PKP4: variants seen among roughly 807,000 people sequenced by gnomAD.
PKP4 encodes the protein plakophilin-4.
In PKP4, 90 loss-of-function variants were observed where a neutral mutation model predicts 145.1. That is an observed-to-expected ratio of 0.62 (90% confidence interval 0.52 to 0.74). The LOEUF (loss-of-function observed/expected upper bound fraction) is 0.74. PKP4 is among the 30% of genes least tolerant of loss of function. PKP4 has a pLI of 0.00. For missense variants in PKP4, 1,340 were observed against 1,482.7 expected (o/e 0.90, Z 1.58); for synonymous variants, 563 against 577.2 (o/e 0.98, Z 0.35).
At chr2:158,639,609 A>G (rs2054108426) in intron 9 of PKP4, among the ~76,000 whole-genome samples, 1 of 152,216 alleles carries the variant, frequency 6.6e-6, no homozygotes, top group Non-Finnish European at 1.5e-5. Flanking sequence ...TTTTCTAACA[A>G]TCTGCTTTTC....
At chr2:158,561,598 T>A (rs2046519523) in intron 2 of PKP4, among the ~76,000 whole-genome samples, 1 of 152,302 alleles carries the variant, frequency 6.6e-6, no homozygotes, top group South Asian at 2.1e-4. Flanking sequence ...ATTCCCTGAC[T>A]TCCTTGAAGA....
At chr2:158,491,695 G>T (rs149037830) in intron 1 of PKP4, among the ~76,000 whole-genome samples, 2 of 152,054 alleles carry the variant, frequency 1.3e-5, no homozygotes, top group East Asian at 1.9e-4. Context: ...ATCATCGTTT[G>T]TTCTCCCTTC....
intron 2 of PKP4, among the ~76,000 whole-genome samples, chr2:158,574,697 T>G (rs1037167198): frequency 6.6e-6 from 1 of 152,216 alleles, no homozygotes; most frequent in Non-Finnish European, 1.5e-5. Context: ...CTTTATAGCT[T>G]CTTGATATTC....
At chr2:158,583,198 T>A (rs758182779) in intron 3 of PKP4, among the ~76,000 whole-genome samples, 4 of 152,174 alleles carry the variant, frequency 2.6e-5, no homozygotes, top group Non-Finnish European at 5.9e-5. Context: ...TTCCCTGCAA[T>A]ATCATTGATG....
chr2:158,488,226 T>G (rs1388461893), intron 1 of PKP4, among the ~76,000 whole-genome samples: 1 of 152,196 alleles, frequency 6.6e-6, no homozygotes, highest in African/African-American at 2.4e-5. Flanking sequence ...CTAGGTAGTG[T>G]ATGAAAGTTT....
chr2:158,678,800 G>C (rs149337804), intron 21 of PKP4, 146 bp downstream of exon 21: 4 of 678,254 alleles, frequency 5.9e-6, no homozygotes, highest in Middle Eastern at 4.1e-4. Context: ...GAAACTCAAC[G>C]TGTGGTTTAA....
chr2:158,554,777 A>G (rs1392569803), intron 2 of PKP4, among the ~76,000 whole-genome samples: 3 of 152,128 alleles, frequency 2.0e-5, no homozygotes. Context: ...CACTTTCTCT[A>G]TACCTCAAGC....
chr2:158,460,510 A>C (rs1338129392), intron 1 of PKP4, among the ~76,000 whole-genome samples: 1 of 152,212 alleles, frequency 6.6e-6, no homozygotes, highest in African/African-American at 2.4e-5. Context: ...ATCAATTTAA[A>C]TAATATTCAT....
chr2:158,528,517 G>A (rs1301006365), intron 1 of PKP4, among the ~76,000 whole-genome samples: 19 of 134,344 alleles, frequency 1.4e-4, no homozygotes, highest in African/African-American at 4.7e-4. Context: ...GGGTAGCATT[G>A]GGAGATATAC....
In PKP4 at chr2:158,625,065, C is replaced by G. The variant is rs1219908327; in HGVS notation, c.791C>G (p.Thr264Ser). 1 of 1,614,202 alleles carries G rather than the reference C, an allele frequency of 6.2e-7. No homozygotes were observed. Among genetic ancestry groups the G allele is most frequent in the South Asian group, 1.1e-5 (1 of 91,076 alleles). Residue 264 changes from threonine to serine, a missense_variant, in exon 7 of 22, where the codon ACC becomes AGC. Thr to Ser is a moderately conservative substitution (Grantham distance 58). Transcript: ENST00000389759. Reference sequence around the variant, plus strand: ...CTGAACCCCAGTGCATATTCCTCCACCACATTACCTGCTGCACGGGCAGCC... The same window carrying G: ...CTGAACCCCAGTGCATATTCCTCCAGCACATTACCTGCTGCACGGGCAGCC... ...RPLNPSAYSS[T>S]TLPAARAASP... is the part of the protein sequence containing the mutation.
intron 16 of PKP4, 28 bp downstream of exon 16, chr2:158,666,591 A>G: frequency 2.6e-6 from 4 of 1,564,654 alleles, no homozygotes; most frequent in Non-Finnish European, 3.5e-6. Context: ...GATGAGCTGT[A>G]AATGTGAGAG....
chr2:158,547,920 A>G (rs2045228864), intron 2 of PKP4, among the ~76,000 whole-genome samples: 1 of 152,228 alleles, frequency 6.6e-6, no homozygotes, highest in African/African-American at 2.4e-5. Context: ...GTCGGCCAAC[A>G]AGGCTCAAGA....
At chr2:158,579,338 C>T (rs1222482909) in intron 3 of PKP4, among the ~76,000 whole-genome samples, 3 of 151,824 alleles carry the variant, frequency 2.0e-5, no homozygotes, top group Admixed American at 6.6e-5. Flanking sequence ...GATTACAGCA[C>T]CTGAATGTAG....
chr2:158,585,552 G>A (rs1441453386), intron 3 of PKP4, among the ~76,000 whole-genome samples: 2 of 152,132 alleles, frequency 1.3e-5, no homozygotes, highest in African/African-American at 4.8e-5. Flanking sequence ...TTTCTTCAGT[G>A]AATATTTTTA....
intron 2 of PKP4, among the ~76,000 whole-genome samples, chr2:158,575,000 A>G (rs1224329952): frequency 6.6e-6 from 1 of 152,254 alleles, no homozygotes; most frequent in African/African-American, 2.4e-5. Context: ...AGAAACTAAC[A>G]TGGCTAATTA....
chr2:158,465,150 T>C lies in PKP4; in HGVS notation c.-6+7932T>C, dbSNP rs571444369. Among the ~76,000 whole-genome samples, 11 of 152,284 alleles carry C rather than the reference T, an allele frequency of 7.2e-5. No individual in the cohort carries two copies. The East Asian group carries it at 2.1e-3, about 29-fold the overall frequency. On this transcript the variant is annotated intron_variant, in intron 1 of 21. Coordinates refer to ENST00000389759, the MANE Select transcript of PKP4 (RefSeq NM_003628.6). ...GTTGGGAAAGATAAGACACATGAGG[T>C]AGAGAAGATTGTCCTAGAAATGTTG...
At chr2:158,581,674 A>T (rs928815167) in intron 3 of PKP4, among the ~76,000 whole-genome samples, 1 of 152,152 alleles carries the variant, frequency 6.6e-6, no homozygotes. Flanking sequence ...AGGATCAAAG[A>T]TTCATTTTTA....
chr2:158,666,726 T>G, intron 16 of PKP4, 163 bp downstream of exon 16: 1 of 544,864 alleles, frequency 1.8e-6, no homozygotes, highest in Non-Finnish European at 3.0e-6. Flanking sequence ...GTGACCATTC[T>G]TTTTCAGCAG....
chr2:158,573,136 CATT>C (rs1223504352), intron 2 of PKP4, among the ~76,000 whole-genome samples: 1 of 152,170 alleles, frequency 6.6e-6, no homozygotes, highest in Non-Finnish European at 1.5e-5. Context: ...CATATAAAGA[CATT>C]ATGTGATAGC....
Sources: gnomAD v4.1 joint callset for allele counts (sites outside exome capture counted in the v4.1 genomes callset) on GRCh38, gnomAD v4.1.1 for gene constraint, MANE v1.5 for transcripts, NCBI Gene and HGNC (gene_info 2026-07-23, HGNC 2026-07-21) for gene names.